The following COL11A1 variants were observed in gnomAD, a reference collection of about 807,000 sequenced individuals.
COL11A1 encodes the protein collagen alpha-1(XI) chain.
Under a neutral mutation model 265.2 loss-of-function variants are expected in COL11A1, and 74 were observed. The observed-to-expected ratio is 0.28, with a 90% CI of 0.23 to 0.34. The LOEUF (loss-of-function observed/expected upper bound fraction) is 0.34. Ranked by LOEUF, COL11A1 falls within the 10% of genes least tolerant of loss-of-function variation. The pLI, the probability that COL11A1 is intolerant of heterozygous loss-of-function variation, is 1.00. For synonymous variants in COL11A1, 816 were observed against 727.6 expected (o/e 1.12, Z -1.96); for missense variants, 2,165 against 2,263.6 (o/e 0.96, Z 0.88).
At chr1:103,062,601 C>T (rs566501666) in intron 4 of COL11A1, among the ~76,000 whole-genome samples, 5 of 151,972 alleles carry the variant, frequency 3.3e-5, no homozygotes, top group Admixed American at 3.3e-4. Context: ...TGCAGGAAAG[C>T]ATTTGACAAA....
At chr1:102,932,859 T>C (rs1421797827) in intron 46 of COL11A1, among the ~76,000 whole-genome samples, 2 of 151,948 alleles carry the variant, frequency 1.3e-5, no homozygotes, top group Non-Finnish European at 2.9e-5. Flanking sequence ...CCCTCGCTGA[T>C]ACCCTTTCTT....
intron 4 of COL11A1, among the ~76,000 whole-genome samples, chr1:103,063,345 G>T (rs570958587): frequency 2.0e-5 from 3 of 152,050 alleles, no homozygotes; most frequent in Admixed American, 2.0e-4. Flanking sequence ...TGAATACAAC[G>T]TAGTATTGGT....
chr1:102,881,577 C>A, intron 65 of COL11A1, 120 bp downstream of exon 65: 1 of 816,526 alleles, frequency 1.2e-6, no homozygotes, highest in Non-Finnish European at 2.1e-6. Context: ...AAACTAGAGA[C>A]CACAGGGAAT....
intron 1 of COL11A1, among the ~76,000 whole-genome samples, chr1:103,088,676 A>G (rs1008112742): frequency 6.6e-6 from 1 of 152,238 alleles, no homozygotes; most frequent in African/African-American, 2.4e-5. Flanking sequence ...GCTCACAACA[A>G]CTAAAATATC....
At chr1:103,047,075 A>C (rs1301137732) in intron 4 of COL11A1, among the ~76,000 whole-genome samples, 1 of 152,050 alleles carries the variant, frequency 6.6e-6, no homozygotes, top group Non-Finnish European at 1.5e-5. Context: ...CTTGGGATTG[A>C]CTTGGTGATG....
chr1:103,037,467 C>A (rs990860458), intron 4 of COL11A1, among the ~76,000 whole-genome samples: 1 of 152,078 alleles, frequency 6.6e-6, no homozygotes, highest in African/African-American at 2.4e-5. Flanking sequence ...AATTGCACAG[C>A]AAAGCAGCTG....
At chr1:103,065,623 G>C (rs1257694840) in intron 4 of COL11A1, among the ~76,000 whole-genome samples, 1 of 151,172 alleles carries the variant, frequency 6.6e-6, no homozygotes, top group South Asian at 2.1e-4. Context: ...CTGAGATAGG[G>C]TGGACATTGA....
At chr1:103,054,586 G>T (rs1025645616) in intron 4 of COL11A1, among the ~76,000 whole-genome samples, 1 of 151,118 alleles carries the variant, frequency 6.6e-6, no homozygotes, top group Non-Finnish European at 1.5e-5. Flanking sequence ...TGTTGTTGTT[G>T]TTGTTTCTAA....
At chr1:103,004,760 G>A (rs1665439832) in intron 18 of COL11A1, 99 bp from the exon 19 acceptor site, 10 of 1,062,244 alleles carry the variant, frequency 9.4e-6, no homozygotes, top group South Asian at 1.5e-5. Context: ...AGGACATTTG[G>A]CAGGGAAAAT....
chr1:103,023,778 A>G (rs533880886), intron 7 of COL11A1, among the ~76,000 whole-genome samples: 2 of 152,330 alleles, frequency 1.3e-5, no homozygotes, highest in East Asian at 3.9e-4. Context: ...ATATCAGTAT[A>G]AATAGAGATG....
At chr1:103,068,997 C>T (rs1310290550) in intron 4 of COL11A1, among the ~76,000 whole-genome samples, 2 of 151,662 alleles carry the variant, frequency 1.3e-5, no homozygotes, top group African/African-American at 4.8e-5. Flanking sequence ...CAATTGTCTT[C>T]ATTATGATCT....
Position 103,014,511 on chromosome 1 carries a change from C to A in COL11A1, c.1572G>T (p.Arg524=). 1 of 1,613,480 alleles carries A rather than the reference C, an allele frequency of 6.2e-7. No individual in the cohort carries two copies. The highest frequency in any genetic ancestry group is 8.5e-7 in the Non-Finnish European group (1 of 1,179,600). ...GGAATGCAAGTTTATCCTGTCTTAC[C>A]CGAGCCTGCTGAAGAATAGCTTGAG... The part of the protein sequence containing the change: ...AQAQAILQQA[R]IALRGPPGPM... Residue 524 remains arginine (R), a splice_region_variant and synonymous_variant, in exon 13 of 67, where the codon CGG becomes CGT. Coordinates refer to ENST00000370096, the MANE Select transcript of COL11A1 (RefSeq NM_001854.4).
At chr1:102,998,004 G>A (rs1296559199) in intron 25 of COL11A1, among the ~76,000 whole-genome samples, 1 of 151,760 alleles carries the variant, frequency 6.6e-6, no homozygotes, top group Non-Finnish European at 1.5e-5. Context: ...GATCATGCAA[G>A]AATATGTGAG....
intron 46 of COL11A1, among the ~76,000 whole-genome samples, chr1:102,930,934 T>C (rs1010370242): frequency 5.3e-5 from 8 of 150,972 alleles, no homozygotes; most frequent in Non-Finnish European, 1.2e-4. Flanking sequence ...GGATCGGTGG[T>C]GATATCCCCT....
intron 9 of COL11A1, among the ~76,000 whole-genome samples, chr1:103,020,003 G>C (rs1047986792): frequency 1.4e-5 from 2 of 143,042 alleles, no homozygotes; most frequent in African/African-American, 5.1e-5. Context: ...GGACATTTGG[G>C]TTGGTTCCAA....
intron 49 of COL11A1, among the ~76,000 whole-genome samples, chr1:102,918,190 A>G (rs906651354): frequency 2.0e-5 from 3 of 151,712 alleles, no homozygotes; most frequent in African/African-American, 7.2e-5. Flanking sequence ...AGTCTTCATC[A>G]CTTATCGTGT....
chr1:102,971,879 CTG>C (rs549860430), intron 36 of COL11A1, among the ~76,000 whole-genome samples: 187 of 150,058 alleles, frequency 1.2e-3, no homozygotes, highest in Admixed American at 3.7e-3. Flanking sequence ...AAAAACAAAA[CTG>C]GAGTGTTTTT....
intron 35 of COL11A1, among the ~76,000 whole-genome samples, chr1:102,977,897 A>G (rs1288722755): frequency 1.1e-4 from 17 of 152,224 alleles, no homozygotes; most frequent in Admixed American, 1.1e-3. Flanking sequence ...AGTTTTGCTC[A>G]TTGCTCCTAC....
intron 42 of COL11A1, among the ~76,000 whole-genome samples, chr1:102,945,631 A>G (rs1161529554): frequency 6.6e-6 from 1 of 152,206 alleles, no homozygotes; most frequent in Non-Finnish European, 1.5e-5. Context: ...TTCAACTTAT[A>G]TTTTTGTGTA....
Sources: gnomAD v4.1 joint callset for allele counts (sites outside exome capture counted in the v4.1 genomes callset) on GRCh38, gnomAD v4.1.1 for gene constraint, MANE v1.5 for transcripts, NCBI Gene and HGNC (gene_info 2026-07-23, HGNC 2026-07-21) for gene names.